Variants in MYH10 observed in about 807,000 individuals in gnomAD.
MYH10 encodes the protein myosin-10.
In MYH10, 55 loss-of-function variants were observed where a neutral mutation model predicts 257.8. The ratio of observed to expected loss-of-function variants is 0.21; its 90% CI spans 0.17 to 0.27. The LOEUF (loss-of-function observed/expected upper bound fraction) is 0.27. MYH10 is among the 10% of genes least tolerant of loss of function. The pLI, the probability that MYH10 is intolerant of heterozygous loss-of-function variation, is 1.00. For synonymous variants in MYH10, 854 were observed against 921.7 expected (o/e 0.93, Z 1.33); for missense variants, 1,631 against 2,500.6 (o/e 0.65, Z 7.42).
intron 7 of MYH10, among the ~76,000 whole-genome samples, chr17:8,555,606 T>C (rs907612305): frequency 6.6e-6 from 1 of 152,196 alleles, no homozygotes; most frequent in African/African-American, 2.4e-5. Flanking sequence ...TAAAGGAACC[T>C]AGACTTTTAC....
chr17:8,617,093 A>T (rs1350464443), intron 2 of MYH10, among the ~76,000 whole-genome samples: 3 of 151,710 alleles, frequency 2.0e-5, no homozygotes, highest in Non-Finnish European at 4.4e-5. Flanking sequence ...CCAACCTCAC[A>T]CCATACACAA....
At chr17:8,583,330 C>T (rs1395872956) in intron 4 of MYH10, among the ~76,000 whole-genome samples, 1 of 152,064 alleles carries the variant, frequency 6.6e-6, no homozygotes, top group Non-Finnish European at 1.5e-5. Flanking sequence ...CTAATAATTC[C>T]CAAAGTTTTA....
Position 8,624,111 on chromosome 17 carries a change from C to T in MYH10, c.-31-834G>A, listed in dbSNP as rs537124145. Reference sequence around the variant, plus strand: ...GTGCAGAAGAAAAAGGAACCATCAACTATCTTAGCCACATTGAGGAAAGTA... The same window carrying T: ...GTGCAGAAGAAAAAGGAACCATCAATTATCTTAGCCACATTGAGGAAAGTA... On this transcript the variant is annotated intron_variant, in intron 1 of 42. Transcript: ENST00000360416. Among the ~76,000 whole-genome samples, 3 of 152,344 alleles carry T rather than the reference C, an allele frequency of 2.0e-5. No homozygotes were observed. In the South Asian group the frequency reaches 6.2e-4, roughly 32 times the overall value.
In MYH10 at chr17:8,493,437, T is replaced by C. The variant is rs114210325; in HGVS notation, c.4209+296A>G. 0.012 allele frequency among the ~76,000 whole-genome samples: 1,826 copies of C among 152,292 alleles called. 32 individuals carry two copies. Among genetic ancestry groups the C allele is most frequent in the African/African-American group, 0.042 (1,747 of 41,568 alleles). ...ATTTTGAGAGAAGAAAAATCAATAC[T>C]GTGATTTTAAAACAAATGAGTCTTA... On this transcript the variant is annotated intron_variant, in intron 32 of 42. Transcript: ENST00000360416.
intron 17 of MYH10, among the ~76,000 whole-genome samples, chr17:8,524,103 GC>G (rs2081754273): frequency 2.0e-5 from 3 of 151,978 alleles, no homozygotes. Context: ...GAGATGGAGG[GC>G]CTAAGACCAT....
chr17:8,518,902 A>G lies in MYH10; in HGVS notation c.2322T>C (p.Gly774=). 6.2e-7 allele frequency: 1 copy of G among 1,610,440 alleles called. No individual in the cohort carries two copies. Among genetic ancestry groups the G allele is most frequent in the East Asian group, 2.2e-5 (1 of 44,848 alleles). The part of the protein sequence containing the change: ...PNAIPKGFMD[G]KQACERMIRA... ...TTACCATTCGTTCACAGGCCTGTTTACCATCCATAAAACCTTTAGGAATAG... is the reference window on the plus strand; with the variant it reads ...TTACCATTCGTTCACAGGCCTGTTTGCCATCCATAAAACCTTTAGGAATAG... Residue 774 remains glycine (G), a synonymous_variant, in exon 20 of 43, where the codon GGT becomes GGC. Coordinates refer to ENST00000360416, the MANE Select transcript of MYH10 (RefSeq NM_001256012.3).
chr17:8,475,980 T>A (rs1429268627), intron 42 of MYH10, 32 bp from the exon 43 acceptor site: 6 of 1,600,162 alleles, frequency 3.7e-6, no homozygotes, highest in Non-Finnish European at 8.5e-7. Context: ...TGTGTGTGGG[T>A]AAACAGACAG....
chr17:8,476,821 C>A, intron 42 of MYH10, 55 bp downstream of exon 42: 1 of 1,567,798 alleles, frequency 6.4e-7, no homozygotes, highest in South Asian at 1.1e-5. Context: ...CACCCCGAGC[C>A]TAAGCTAACC....
intron 7 of MYH10, among the ~76,000 whole-genome samples, chr17:8,559,874 T>C (rs2082926850): frequency 6.6e-6 from 1 of 152,148 alleles, no homozygotes; most frequent in South Asian, 2.1e-4. Flanking sequence ...ACTACCTCAT[T>C]GAGTTAATAA....
intron 7 of MYH10, among the ~76,000 whole-genome samples, chr17:8,563,982 C>T (rs937723160): frequency 6.6e-5 from 10 of 151,850 alleles, no homozygotes; most frequent in African/African-American, 2.4e-4. Flanking sequence ...AACTAAAACT[C>T]TGTGAGGGAA....
intron 13 of MYH10, among the ~76,000 whole-genome samples, chr17:8,544,190 C>A (rs942928477): frequency 6.6e-6 from 1 of 152,162 alleles, no homozygotes; most frequent in Non-Finnish European, 1.5e-5. Flanking sequence ...TTTCTCATGA[C>A]AAATAACACT....
chr17:8,475,860 C>T lies in MYH10; in HGVS notation c.5968G>A (p.Asp1990Asn). 1 of 1,614,216 alleles carries T rather than the reference C, an allele frequency of 6.2e-7. No homozygotes were observed. Among genetic ancestry groups the T allele is most frequent in the Non-Finnish European group, 8.5e-7 (1 of 1,180,034 alleles). ...EGASLELSDD[D>N]TESKTSDVNE... is the part of the protein sequence containing the mutation. ...ACATCACTGGTCTTACTTTCTGTGT[C>T]ATCGTCGGAGAGCTCCAGGGAAGCT... The change falls in exon 43 of 43, where the codon GAC becomes AAC. Residue 1990 changes from aspartate (D) to asparagine (N), a missense_variant. By Grantham distance (23) the Asp-to-Asn change is conservative. Around this residue, in one of 11 missense-constraint regions of MYH10, gnomAD observed 343 missense variants for 389.5 expected, o/e 0.88. Coordinates refer to ENST00000360416, the MANE Select transcript of MYH10 (RefSeq NM_001256012.3).
intron 3 of MYH10, among the ~76,000 whole-genome samples, chr17:8,595,702 A>G (rs951314028): frequency 6.6e-6 from 1 of 152,120 alleles, no homozygotes; most frequent in Admixed American, 6.5e-5. Context: ...AAGTGCTGGG[A>G]TTACAGGCAT....
chr17:8,572,954 T>C (rs1412725132), intron 6 of MYH10, among the ~76,000 whole-genome samples: 3 of 152,232 alleles, frequency 2.0e-5, no homozygotes, highest in African/African-American at 2.4e-5. Flanking sequence ...ATGAAGGCAT[T>C]TGTAAACCAT....
chr17:8,490,509 A>G lies in MYH10; in HGVS notation c.4715T>C (p.Val1572Ala). The G allele has an allele frequency of 6.2e-7, 1 of 1,613,882 alleles. No homozygotes were observed. The highest frequency in any genetic ancestry group is 2.2e-5 in the East Asian group (1 of 44,874). ...EKSKRALEQQ[V>A]EEMRTQLEEL... ...CTCCAGCTGGGTCCTCATTTCCTCC[A>G]CCTGCTGCTCTAGGGCCCGTTTGGA... Residue 1572 changes from valine to alanine, a missense_variant, in exon 35 of 43, where the codon GTG (valine) becomes GCG (alanine). This residue lies in a region of MYH10 where 463 missense variants were observed against 621.8 expected (regional missense o/e 0.74). Transcript: ENST00000360416. This position sits in a 1 kb window ranked among gnomAD's most constrained non-coding sequence, Gnocchi z 4.1.
intron 17 of MYH10, among the ~76,000 whole-genome samples, chr17:8,524,672 G>GAA (rs2081781235): frequency 6.6e-6 from 1 of 152,014 alleles, no homozygotes; most frequent in Non-Finnish European, 1.5e-5. Flanking sequence ...TCCTGCTTCT[G>GAA]ACCTGGATCC....
chr17:8,605,935 G>A (rs2152077329), intron 2 of MYH10, among the ~76,000 whole-genome samples: 2 of 152,054 alleles, frequency 1.3e-5, no homozygotes, highest in East Asian at 3.9e-4. Flanking sequence ...AAATGTAAGA[G>A]TTTTCATCTG....
At position 8,535,648 on chromosome 17, in the gene MYH10, T is replaced by C; in HGVS notation, c.1779+110A>G. ...AAGACAATATGTTTGTAATATATAC[T>C]GTATTTGTTTATAAATGTTTATCAG... is the stretch of plus-strand genomic sequence containing the variant. On this transcript the variant is annotated intron_variant, in intron 15 of 42. Coordinates refer to ENST00000360416, the MANE Select transcript of MYH10 (RefSeq NM_001256012.3). This position sits in a 1 kb window ranked among gnomAD's most constrained non-coding sequence, Gnocchi z 4.3. The C allele has an allele frequency of 7.9e-7, 1 of 1,264,122 alleles. No individual in the cohort carries two copies. The highest frequency in any genetic ancestry group is 1.1e-6 in the Non-Finnish European group (1 of 900,778). The allele number at this position is 1,264,122 out of a possible 1,614,324, so 78.3% of individuals were successfully genotyped here. A position where few individuals can be genotyped will look rare whatever the true frequency, so the allele number is the denominator to read the frequency against.
At chr17:8,568,145 C>T (rs1343782134) in intron 7 of MYH10, among the ~76,000 whole-genome samples, 1 of 152,140 alleles carries the variant, frequency 6.6e-6, no homozygotes, top group Non-Finnish European at 1.5e-5. Flanking sequence ...CTTTTCCTCC[C>T]ACCAACTCTC....
Sources: allele counts gnomAD v4.1 joint callset (sites outside exome capture counted in the v4.1 genomes callset), GRCh38; gene constraint gnomAD v4.1.1; regional missense constraint gnomAD v4.1.1; non-coding constraint Gnocchi (gnomAD v3.1); transcripts MANE v1.5; gene names NCBI Gene and HGNC (gene_info 2026-07-23, HGNC 2026-07-21).